The following AP3M2 variants were observed in gnomAD, a reference collection of about 807,000 sequenced individuals.
The protein encoded by AP3M2 is AP-3 complex subunit mu-2.
In AP3M2, 28 loss-of-function variants were observed where a neutral mutation model predicts 41.6. The observed-to-expected ratio is 0.67, with a 90% CI of 0.50 to 0.92. AP3M2 has a LOEUF of 0.92. Ranked by LOEUF, AP3M2 falls within the 40% of genes least tolerant of loss-of-function variation. The probability of loss-of-function intolerance (pLI) is 0.00; values close to 1 mark genes in which losing one functional copy is unlikely to be tolerated. For missense variants in AP3M2, 427 were observed against 521.4 expected (o/e 0.82, Z 1.76); for synonymous variants, 193 against 186.4 (o/e 1.04, Z -0.29).
At position 42,154,600 on chromosome 8, in the gene AP3M2, C is replaced by T; in HGVS notation, c.-72-16C>T. 1 of 1,535,784 alleles carries T rather than the reference C, an allele frequency of 6.5e-7. No homozygotes were observed. The highest frequency in any genetic ancestry group is 8.7e-7 in the Non-Finnish European group (1 of 1,150,058). On this transcript the variant is annotated splice_polypyrimidine_tract_variant and intron_variant, in intron 1 of 8. Coordinates refer to ENST00000396926, the MANE Select transcript of AP3M2 (RefSeq NM_006803.4). ...TTTGGTTGAATGGAACTGAATATCGCTGCTTTTGTTTTTAGAGTTGAAAAC... is the reference window on the plus strand; with the variant it reads ...TTTGGTTGAATGGAACTGAATATCGTTGCTTTTGTTTTTAGAGTTGAAAAC...
chr8:42,167,153 C>T lies in AP3M2; in HGVS notation c.804-11C>T, dbSNP rs781131537. 12 of 1,611,926 alleles carry T rather than the reference C, an allele frequency of 7.4e-6. No homozygotes were observed. The Admixed American group carries it at 1.7e-4, about 22-fold the overall frequency. On this transcript the variant is annotated splice_polypyrimidine_tract_variant and intron_variant, in intron 6 of 8. Coordinates refer to ENST00000396926, the MANE Select transcript of AP3M2 (RefSeq NM_006803.4). ...GCACGAATGAAATGACTCTTTGTCT[C>T]TCATTTCCAGTCTGGTTGCAATCCC... is the stretch of plus-strand genomic sequence containing the variant.
At chr8:42,167,943 A>G in intron 8 of AP3M2, 133 bp downstream of exon 8, 2 of 1,172,878 alleles carry the variant, frequency 1.7e-6, no homozygotes, top group Non-Finnish European at 2.4e-6. Context: ...AACAATCTTT[A>G]GTAACATCTT....
intron 1 of AP3M2, chr8:42,153,708 C>G (rs1688660398): frequency 6.6e-6 from 1 of 151,986 alleles, no homozygotes; most frequent in South Asian, 2.1e-4. Flanking sequence ...CCTCTGTTGC[C>G]CGGGCTGATC....
intron 2 of AP3M2, chr8:42,156,156 A>AT (rs752555187): frequency 5.3e-6 from 2 of 380,900 alleles, no homozygotes; most frequent in Non-Finnish European, 1.1e-5. Context: ...TCATTCTGAG[A>AT]TTAACAGTCG....
chr8:42,156,113 G>A lies in AP3M2; in HGVS notation c.273+1153G>A. The A allele has an allele frequency of 6.8e-6, 3 of 438,322 alleles. No homozygotes were observed. In the Admixed American group the frequency reaches 7.8e-5, roughly 11 times the overall value. 27.2% of individuals were successfully genotyped at this position (438,322 alleles called of 1,614,324 possible). ...GTGATCCTAAACAACTTTTAACTGG[G>A]CCTTGTTATGATTTCCACGTGTGAT... is the stretch of plus-strand genomic sequence containing the variant. On this transcript the variant is annotated intron_variant, in intron 2 of 8. Transcript: ENST00000396926.
At chr8:42,157,877 CTTTTA>C in intron 2 of AP3M2, 59 bp from the exon 3 acceptor site, 18 of 1,484,254 alleles carry the variant, frequency 1.2e-5, no homozygotes, top group Non-Finnish European at 1.6e-5. Flanking sequence ...TAGGCACATT[CTTTTA>C]TTTATTTATT....
intron 3 of AP3M2, among the ~76,000 whole-genome samples, chr8:42,160,114 C>G (rs893399990): frequency 1.3e-5 from 2 of 152,172 alleles, no homozygotes; most frequent in Non-Finnish European, 2.9e-5. Context: ...ACTGACATGA[C>G]ACTCAAAGGA....
At chr8:42,156,046 A>G in intron 2 of AP3M2, 1 of 309,308 alleles carries the variant, frequency 3.2e-6, no homozygotes, top group Non-Finnish European at 6.2e-6. Flanking sequence ...AAACGTAAGT[A>G]TAAGTCCCAG....
chr8:42,153,749 C>T (rs1804276232), intron 1 of AP3M2: 1 of 152,016 alleles, frequency 6.6e-6, no homozygotes, highest in African/African-American at 2.4e-5. Flanking sequence ...GGTCTGCCCG[C>T]GGAGGCCTCC....
At chr8:42,163,373 A>G (rs1213430191) in intron 4 of AP3M2, among the ~76,000 whole-genome samples, 1 of 152,242 alleles carries the variant, frequency 6.6e-6, no homozygotes, top group African/African-American at 2.4e-5. Flanking sequence ...TTTACTGAAA[A>G]CTTGCATCAT....
intron 3 of AP3M2, among the ~76,000 whole-genome samples, chr8:42,158,847 G>A (rs912257129): frequency 2.0e-5 from 3 of 150,672 alleles, no homozygotes; most frequent in African/African-American, 4.9e-5. Flanking sequence ...AGGATGGAGT[G>A]CAGTGGTGCG....
chr8:42,160,922 A>G (rs573466767), intron 3 of AP3M2, among the ~76,000 whole-genome samples: 3 of 152,346 alleles, frequency 2.0e-5, no homozygotes, highest in African/African-American at 7.2e-5. Flanking sequence ...AAGCTTTGTT[A>G]GTGCCTGAAT....
intron 3 of AP3M2, 26 bp downstream of exon 3, chr8:42,158,138 A>T: frequency 1.2e-6 from 2 of 1,602,752 alleles, no homozygotes; most frequent in Non-Finnish European, 1.7e-6. Flanking sequence ...AAACTGATAG[A>T]TAGTGGCCAT....
Position 42,162,347 on chromosome 8 carries a change from G to A in AP3M2, c.512G>A (p.Gly171Glu). 1.2e-6 allele frequency: 2 copies of A among 1,613,816 alleles called. No homozygotes were observed. Among genetic ancestry groups the A allele is most frequent in the Non-Finnish European group, 1.7e-6 (2 of 1,179,842 alleles). The change falls in exon 4 of 9, where the codon GGG (glycine) becomes GAG (glutamate). Residue 171 changes from glycine to glutamate, a missense_variant. Physicochemically the swap from Gly to Glu is moderately conservative, Grantham distance 98 (BLOSUM62 -2). Around this residue, in one of 3 missense-constraint regions of AP3M2, gnomAD observed 86 missense variants for 142.6 expected, o/e 0.60. Transcript: ENST00000396926. ...QLSVVPWRRT[G>E]VKYTNNEAYF... ...TCAGTGGTGCCTTGGCGACGGACTG[G>A]GGTGAAATATACCAACAATGAGGCC... is the stretch of plus-strand genomic sequence containing the variant.
chr8:42,166,716 A>G (rs115033539), intron 6 of AP3M2, among the ~76,000 whole-genome samples: 2,448 of 151,880 alleles, frequency 0.016, 80 homozygotes, highest in African/African-American at 0.055. Flanking sequence ...GCAGTGAGCT[A>G]TGATCGTGCC....
At chr8:42,156,696 G>A (rs552034906) in intron 2 of AP3M2, among the ~76,000 whole-genome samples, 2 of 152,130 alleles carry the variant, frequency 1.3e-5, no homozygotes, top group South Asian at 4.2e-4. Flanking sequence ...TAGGTGACCC[G>A]GGTATTGGAA....
intron 8 of AP3M2, 92 bp from the exon 9 acceptor site, chr8:42,168,869 A>T: frequency 1.1e-6 from 1 of 901,682 alleles, no homozygotes; most frequent in Non-Finnish European, 1.7e-6. Context: ...TGTCGGTCCC[A>T]CTGACTTCAG....
chr8:42,155,112 T>G (rs1449348654), intron 2 of AP3M2, 152 bp downstream of exon 2: 2 of 692,164 alleles, frequency 2.9e-6, no homozygotes, highest in Non-Finnish European at 4.8e-6. Context: ...AGATTCTGGT[T>G]TCTATTTATT....
intron 5 of AP3M2, 127 bp downstream of exon 5, chr8:42,165,283 T>C: frequency 6.9e-7 from 1 of 1,441,236 alleles, no homozygotes; most frequent in South Asian, 1.3e-5. Context: ...TGTCTCAGGC[T>C]TGAATTTTCT....
Sources: gnomAD v4.1 joint callset for allele counts (sites outside exome capture counted in the v4.1 genomes callset) on GRCh38, gnomAD v4.1.1 for gene constraint, gnomAD v4.1.1 regional missense constraint, MANE v1.5 for transcripts, NCBI Gene and HGNC (gene_info 2026-07-23, HGNC 2026-07-21) for gene names.